NALF1: variants seen among roughly 807,000 people sequenced by gnomAD.
NALF1 encodes the protein NALCN channel auxiliary factor 1, also known as family with sequence similarity 155 member A.
NALF1 carries 3 observed loss-of-function variants against 48.4 expected under a neutral mutation model. The ratio of observed to expected loss-of-function variants is 0.06; its 90% CI spans 0.03 to 0.16. NALF1 has a LOEUF of 0.16. Ranked by LOEUF, NALF1 falls within the 10% of genes least tolerant of loss-of-function variation. The pLI is 1.00. For synonymous variants in NALF1, 262 were observed against 245.7 expected (o/e 1.07, Z -0.62); for missense variants, 526 against 571.5 (o/e 0.92, Z 0.81).
intron 1 of NALF1, among the ~76,000 whole-genome samples, chr13:107,449,293 C>T (rs1359891807): frequency 1.3e-5 from 2 of 151,806 alleles, no homozygotes; most frequent in Non-Finnish European, 2.9e-5. Context: ...GTGTGCAAGA[C>T]CCAGGGGATG....
At chr13:107,659,632 C>A (rs1246332385) in intron 1 of NALF1, among the ~76,000 whole-genome samples, 1 of 151,202 alleles carries the variant, frequency 6.6e-6, no homozygotes, top group South Asian at 2.1e-4. Flanking sequence ...TTATATGGTG[C>A]TTAGAGTGGT....
intron 1 of NALF1, 64 bp from the exon 2 acceptor site, chr13:107,210,819 G>T: frequency 2.6e-6 from 3 of 1,146,724 alleles, no homozygotes; most frequent in East Asian, 2.4e-5. Context: ...TAGAGGCACT[G>T]TGAGAAGCGT....
chr13:107,497,283 C>T (rs929672336), intron 1 of NALF1, among the ~76,000 whole-genome samples: 37 of 151,882 alleles, frequency 2.4e-4, no homozygotes, highest in Non-Finnish European at 3.7e-4. Flanking sequence ...TACTATTAAC[C>T]GACACTGATA....
intron 1 of NALF1, among the ~76,000 whole-genome samples, chr13:107,743,376 G>C (rs55673349): frequency 0.014 from 2,139 of 152,188 alleles, 56 homozygotes; most frequent in African/African-American, 0.05. Context: ...CTTACTTTCT[G>C]GTAAGAAACG....
intron 1 of NALF1, among the ~76,000 whole-genome samples, chr13:107,325,885 T>TATATATATAC (rs1882350758): frequency 5.7e-5 from 4 of 69,710 alleles, no homozygotes; most frequent in Non-Finnish European, 1.5e-4. Context: ...TATATATATA[T>TATATATATAC]ATACACACAC....
intron 1 of NALF1, among the ~76,000 whole-genome samples, chr13:107,440,772 G>A (rs974393521): frequency 6.6e-6 from 1 of 152,094 alleles, no homozygotes; most frequent in Non-Finnish European, 1.5e-5. Context: ...AGGTGTTTTC[G>A]TCAATTTCTG....
In NALF1 at chr13:107,164,131, T is replaced by G. The variant is rs2090197079; in HGVS notation, c.*6366A>C. ...GAGCTGGGAGTTTTAGGGGAAATAG[T>G]CACTGAAGAAAGTCTGTATTCATAG... On this transcript the variant is annotated 3_prime_UTR_variant, in exon 3 of 3. Transcript: ENST00000375915. 6.6e-6 allele frequency: 1 copy of G among 152,154 alleles called. No homozygotes were observed. Among genetic ancestry groups the G allele is most frequent in the Non-Finnish European group, 1.5e-5 (1 of 68,024 alleles). 9.4% of individuals were successfully genotyped at this position (152,154 alleles called of 1,614,324 possible).
At chr13:107,393,873 A>C (rs1883667806) in intron 1 of NALF1, among the ~76,000 whole-genome samples, 1 of 152,194 alleles carries the variant, frequency 6.6e-6, no homozygotes, top group African/African-American at 2.4e-5. Flanking sequence ...AAATAACATA[A>C]TATTTCTGCA....
In NALF1 at chr13:107,165,022, C is replaced by T. The variant is rs1468926957; in HGVS notation, c.*5475G>A. The T allele has an allele frequency of 1.3e-5, 2 of 152,196 alleles. No individual in the cohort carries two copies. The highest frequency in any genetic ancestry group is 4.8e-5 in the African/African-American group (2 of 41,458). 9.4% of individuals were successfully genotyped at this position (152,196 alleles called of 1,614,324 possible). The stretch of plus-strand genomic sequence containing the variant: ...TTCTTCTTGCATGAGGTGTCACGTA[C>T]AAATACATCATTGACCTCCCTGTGT... On this transcript the variant is annotated 3_prime_UTR_variant, in exon 3 of 3. Coordinates refer to ENST00000375915, the MANE Select transcript of NALF1 (RefSeq NM_001080396.3).
At chr13:107,523,755 A>G (rs527750334) in intron 1 of NALF1, among the ~76,000 whole-genome samples, 2 of 152,200 alleles carry the variant, frequency 1.3e-5, no homozygotes, top group African/African-American at 4.8e-5. Context: ...AGATAAAAAT[A>G]ACAAATTATT....
At chr13:107,509,948 A>G (rs1402758358) in intron 1 of NALF1, among the ~76,000 whole-genome samples, 1 of 152,026 alleles carries the variant, frequency 6.6e-6, no homozygotes, top group Non-Finnish European at 1.5e-5. Context: ...CTAGGACCAC[A>G]GGTATGCGCC....
chr13:107,218,496 A>T (rs367627134), intron 1 of NALF1, among the ~76,000 whole-genome samples: 1 of 152,122 alleles, frequency 6.6e-6, no homozygotes, highest in African/African-American at 2.4e-5. Flanking sequence ...TGGCCCTGAG[A>T]TCCTGCCCAG....
intron 1 of NALF1, among the ~76,000 whole-genome samples, chr13:107,506,436 T>C (rs958055430): frequency 3.9e-5 from 6 of 152,138 alleles, no homozygotes; most frequent in African/African-American, 1.4e-4. Flanking sequence ...AGTTCACCTG[T>C]TTAAAGTGTA....
At chr13:107,553,920 C>T (rs1368628450) in intron 1 of NALF1, among the ~76,000 whole-genome samples, 3 of 152,318 alleles carry the variant, frequency 2.0e-5, no homozygotes, top group South Asian at 2.1e-4. Flanking sequence ...GCAAAGTCCA[C>T]ATCGTCTTTA....
intron 1 of NALF1, among the ~76,000 whole-genome samples, chr13:107,340,444 C>CTCTTTCTTTCTTTCTTTCTTTCTTTCTT (rs200120384): frequency 7.4e-6 from 1 of 134,242 alleles, no homozygotes; most frequent in African/African-American, 2.7e-5. Flanking sequence ...CCTGACCTTT[C>CTCTTTCTTTCTTTCTTTCTTTCTTTCTT]TCTTTCTTTC....
chr13:107,814,940 C>A (rs1879118657), intron 1 of NALF1, among the ~76,000 whole-genome samples: 1 of 151,928 alleles, frequency 6.6e-6, no homozygotes, highest in Admixed American at 6.6e-5. Flanking sequence ...AAAACAGAAT[C>A]CAATAAATAT....
At chr13:107,476,034 T>C (rs1885172526) in intron 1 of NALF1, among the ~76,000 whole-genome samples, 1 of 152,180 alleles carries the variant, frequency 6.6e-6, no homozygotes, top group Non-Finnish European at 1.5e-5. Context: ...ATTTAAGGTA[T>C]GTAAACATCT....
Position 107,866,718 on chromosome 13 carries a change from CCTCTCTCTCTTT to C in NALF1, c.-134_-123del. 1.4e-6 allele frequency: 1 copy of C among 700,762 alleles called. No homozygotes were observed. The highest frequency in any genetic ancestry group is 2.4e-6 in the Non-Finnish European group (1 of 420,654). The allele number at this position is 700,762 out of a possible 1,614,324, so 43.4% of individuals were successfully genotyped here. Reference sequence around the variant, plus strand: ...TCCCCTCCTCCCGTTTCTTCTCTCTCCTCTCTCTCTTTCTCTCTCTTCCCCTCTCCCTCTCTC... The same window carrying C: ...TCCCCTCCTCCCGTTTCTTCTCTCTCCTCTCTCTTCCCCTCTCCCTCTCTC... On this transcript the variant is annotated 5_prime_UTR_variant, in exon 1 of 3. Coordinates refer to ENST00000375915, the MANE Select transcript of NALF1 (RefSeq NM_001080396.3). This position sits in a 1 kb window ranked among gnomAD's most constrained non-coding sequence, Gnocchi z 4.4.
At chr13:107,275,558 T>A (rs1194318866) in intron 1 of NALF1, among the ~76,000 whole-genome samples, 1 of 152,126 alleles carries the variant, frequency 6.6e-6, no homozygotes, top group Non-Finnish European at 1.5e-5. Context: ...TGATTTTTTT[T>A]TTCTTTATCT....
Sources: gnomAD v4.1 joint callset for allele counts (sites outside exome capture counted in the v4.1 genomes callset) on GRCh38, gnomAD v4.1.1 for gene constraint, Gnocchi (gnomAD v3.1) non-coding constraint, MANE v1.5 for transcripts, NCBI Gene and HGNC (gene_info 2026-07-23, HGNC 2026-07-21) for gene names.